Variants in CACNA2D3 observed in about 807,000 individuals in gnomAD.
CACNA2D3 encodes the protein calcium voltage-gated channel auxiliary subunit alpha2delta 3.
A neutral mutation model predicts 160.6 loss-of-function variants in CACNA2D3; 60 were observed. The observed-to-expected ratio is 0.37, with a 90% CI of 0.30 to 0.46. The LOEUF (loss-of-function observed/expected upper bound fraction) is 0.46. Ranked by LOEUF, CACNA2D3 falls within the 20% of genes least tolerant of loss-of-function variation. CACNA2D3 has a pLI of 1.00. For synonymous variants in CACNA2D3, 558 were observed against 492.9 expected, an observed-to-expected ratio of 1.13 and a Z score of -1.75; for missense variants, 1,205 against 1,365.0, an observed-to-expected ratio of 0.88 and a Z score of 1.85.
At chr3:54,682,801 A>T (rs1462916730) in intron 11 of CACNA2D3, among the ~76,000 whole-genome samples, 1 of 152,162 alleles carries the variant, frequency 6.6e-6, no homozygotes, top group Non-Finnish European at 1.5e-5. Flanking sequence ...CCCAAGCAGT[A>T]GGCTTGGGCT....
At chr3:54,289,512 C>G (rs1176197355) in intron 2 of CACNA2D3, among the ~76,000 whole-genome samples, 1 of 150,990 alleles carries the variant, frequency 6.6e-6, no homozygotes, top group African/African-American at 2.4e-5. Context: ...AATGCCATCC[C>G]CATCAAGCTA....
At chr3:54,627,746 A>G (rs537142580) in intron 9 of CACNA2D3, 41 bp from the exon 10 acceptor site, 2 of 1,300,734 alleles carry the variant, frequency 1.5e-6, no homozygotes, top group South Asian at 2.5e-5. Flanking sequence ...GTTTCACATA[A>G]CAGGACAGAC....
intron 13 of CACNA2D3, among the ~76,000 whole-genome samples, chr3:54,773,200 G>A (rs1357718830): frequency 6.6e-6 from 1 of 152,158 alleles, no homozygotes; most frequent in Non-Finnish European, 1.5e-5. Flanking sequence ...TTGCACATTT[G>A]TTTCAGTTTC....
chr3:54,796,118 C>G (rs1191292026), intron 13 of CACNA2D3, among the ~76,000 whole-genome samples: 1 of 152,164 alleles, frequency 6.6e-6, no homozygotes, highest in African/African-American at 2.4e-5. Context: ...CTTTGCTAGT[C>G]TACAAGGAGA....
intron 2 of CACNA2D3, among the ~76,000 whole-genome samples, chr3:54,217,876 G>C (rs1048510470): frequency 2.6e-5 from 4 of 152,072 alleles, no homozygotes; most frequent in South Asian, 2.1e-4. Flanking sequence ...GAGAGACAGA[G>C]AGAGAGAGAG....
chr3:55,004,938 T>A (rs1703059538), intron 32 of CACNA2D3, 100 bp downstream of exon 32: 1 of 799,704 alleles, frequency 1.3e-6, no homozygotes, highest in African/African-American at 1.8e-5. Flanking sequence ...TTTATCTTTT[T>A]GCAAAATCAT....
At chr3:54,884,700 C>T (rs1296968148) in intron 21 of CACNA2D3, among the ~76,000 whole-genome samples, 1 of 152,198 alleles carries the variant, frequency 6.6e-6, no homozygotes, top group African/African-American at 2.4e-5. Flanking sequence ...GTTTCCTTCC[C>T]AGGCGGATGA....
chr3:54,436,606 GA>G (rs988516678), intron 4 of CACNA2D3, among the ~76,000 whole-genome samples: 3 of 152,164 alleles, frequency 2.0e-5, no homozygotes, highest in African/African-American at 7.2e-5. Flanking sequence ...CCATAAAAAA[GA>G]ATAGAGTCCA....
chr3:54,571,848 G>T (rs1702504215), intron 8 of CACNA2D3, among the ~76,000 whole-genome samples: 1 of 152,146 alleles, frequency 6.6e-6, no homozygotes, highest in Non-Finnish European at 1.5e-5. Context: ...CTGGGCATCA[G>T]CTACCTCAGC....
chr3:54,362,738 G>C (rs978515343), intron 3 of CACNA2D3, among the ~76,000 whole-genome samples: 6 of 152,228 alleles, frequency 3.9e-5, no homozygotes, highest in Non-Finnish European at 8.8e-5. Context: ...GAAGCATTGA[G>C]TGGGCACAGC....
intron 2 of CACNA2D3, among the ~76,000 whole-genome samples, chr3:54,242,390 C>T (rs1371128046): frequency 6.6e-6 from 1 of 152,190 alleles, no homozygotes; most frequent in Non-Finnish European, 1.5e-5. Context: ...TTGCGGCGAG[C>T]TGAGATCGTG....
At chr3:54,374,664 C>T (rs923441903) in intron 3 of CACNA2D3, among the ~76,000 whole-genome samples, 1 of 152,144 alleles carries the variant, frequency 6.6e-6, no homozygotes, top group Non-Finnish European at 1.5e-5. Flanking sequence ...GAGGCAGTAC[C>T]AGGTAGTGAG....
chr3:54,429,521 T>C (rs575490277), intron 4 of CACNA2D3, among the ~76,000 whole-genome samples: 1 of 152,320 alleles, frequency 6.6e-6, no homozygotes, highest in East Asian at 1.9e-4. Context: ...AGGAGAATGC[T>C]GGTATTTGTA....
intron 31 of CACNA2D3, among the ~76,000 whole-genome samples, chr3:54,993,945 G>A (rs3773578): frequency 0.23 from 33,118 of 146,452 alleles, 4,316 homozygotes; most frequent in Middle Eastern, 0.31. Flanking sequence ...GTGGTTTTGC[G>A]TGGTTTTTGT....
chr3:55,037,513 ACCTCCCTGC>A (rs1258770611), intron 35 of CACNA2D3, among the ~76,000 whole-genome samples: 3 of 152,050 alleles, frequency 2.0e-5, no homozygotes, highest in African/African-American at 7.2e-5. Flanking sequence ...AGCAGATAAT[ACCTCCCTGC>A]AAGAGGGCGG....
chr3:54,465,965 G>C (rs1364330713), intron 4 of CACNA2D3, among the ~76,000 whole-genome samples: 1 of 152,126 alleles, frequency 6.6e-6, no homozygotes, highest in Admixed American at 6.5e-5. Flanking sequence ...TTATGAGACT[G>C]AGGTCCCCCC....
At chr3:54,160,044 C>T (rs78687693) in intron 2 of CACNA2D3, among the ~76,000 whole-genome samples, 76 of 152,258 alleles carry the variant, frequency 5.0e-4, no homozygotes, top group African/African-American at 1.8e-3. Flanking sequence ...TGTTGATCTA[C>T]TCTTCATATG....
chr3:54,878,173 A>G (rs1699708682), intron 18 of CACNA2D3, among the ~76,000 whole-genome samples: 1 of 152,134 alleles, frequency 6.6e-6, no homozygotes, highest in African/African-American at 2.4e-5. Flanking sequence ...AAGCTCCTCA[A>G]AGGAGAAAAG....
At chr3:54,791,375 A>T (rs553336058) in intron 13 of CACNA2D3, among the ~76,000 whole-genome samples, 1 of 152,376 alleles carries the variant, frequency 6.6e-6, no homozygotes, top group Non-Finnish European at 1.5e-5. Context: ...AGATGCAAAG[A>T]CAGAAATATG....
Sources: gnomAD v4.1 joint callset for allele counts (sites outside exome capture counted in the v4.1 genomes callset) on GRCh38, gnomAD v4.1.1 for gene constraint, MANE v1.5 for transcripts, NCBI Gene and HGNC (gene_info 2026-07-23, HGNC 2026-07-21) for gene names.